Variants in ZNF827 observed in about 807,000 individuals in gnomAD.
The protein encoded by ZNF827 is zinc finger protein 827.
In ZNF827, 13 loss-of-function variants were observed where a neutral mutation model predicts 102.4. That is an observed-to-expected ratio of 0.13 (90% CI 0.08 to 0.20). The LOEUF (loss-of-function observed/expected upper bound fraction) is 0.20. Among genes scored for constraint, ZNF827 ranks in the 10% least tolerant of loss-of-function variants. The pLI is 1.00. For missense variants in ZNF827, 1,103 were observed against 1,344.4 expected, an observed-to-expected ratio of 0.82 and a Z score of 2.81; for synonymous variants, 523 against 536.2, an observed-to-expected ratio of 0.98 and a Z score of 0.34.
At chr4:145,875,606 C>T (rs1749087288) in intron 4 of ZNF827, among the ~76,000 whole-genome samples, 2 of 152,178 alleles carry the variant, frequency 1.3e-5, no homozygotes, top group South Asian at 2.1e-4. Context: ...AAGGAATCAA[C>T]TGCAAAATAA....
chr4:145,828,856 G>T (rs2126528630), intron 7 of ZNF827, among the ~76,000 whole-genome samples: 1 of 152,232 alleles, frequency 6.6e-6, no homozygotes, highest in Non-Finnish European at 1.5e-5. Flanking sequence ...AAGGATTATG[G>T]CTCTAAATAG....
chr4:145,880,547 A>G (rs543066470), intron 4 of ZNF827, among the ~76,000 whole-genome samples: 1 of 152,360 alleles, frequency 6.6e-6, no homozygotes, highest in East Asian at 1.9e-4. Context: ...AACTCAGGTC[A>G]GTGCTTGTCT....
At chr4:145,872,145 A>T (rs901705496) in intron 4 of ZNF827, among the ~76,000 whole-genome samples, 11 of 152,132 alleles carry the variant, frequency 7.2e-5, no homozygotes, top group African/African-American at 2.7e-4. Flanking sequence ...TTATTACCTA[A>T]TAACCTACTG....
intron 5 of ZNF827, among the ~76,000 whole-genome samples, chr4:145,868,966 T>A (rs1748446081): frequency 6.6e-6 from 1 of 152,204 alleles, no homozygotes; most frequent in Admixed American, 6.5e-5. Context: ...AGTTCAAATA[T>A]ACAAAAAATG....
At chr4:145,809,085 G>A (rs753390219) in intron 8 of ZNF827, among the ~76,000 whole-genome samples, 133 of 152,214 alleles carry the variant, frequency 8.7e-4, no homozygotes, top group Non-Finnish European at 3.1e-4. Context: ...ACAAGTGTGA[G>A]CCACTGTGCC....
intron 11 of ZNF827, among the ~76,000 whole-genome samples, chr4:145,771,939 C>T (rs143719225): frequency 1.2e-3 from 182 of 152,288 alleles, no homozygotes; most frequent in African/African-American, 4.2e-3. Flanking sequence ...GCATCTTCTG[C>T]GCATCTGAAA....
chr4:145,858,228 C>A (rs1447394551), intron 5 of ZNF827, among the ~76,000 whole-genome samples: 1 of 151,900 alleles, frequency 6.6e-6, no homozygotes, highest in Non-Finnish European at 1.5e-5. Flanking sequence ...ATAATCCCAG[C>A]CCTTTGGGAG....
chr4:145,869,216 G>A (rs1238310180), intron 5 of ZNF827, among the ~76,000 whole-genome samples: 1 of 152,100 alleles, frequency 6.6e-6, no homozygotes, highest in Non-Finnish European at 1.5e-5. Flanking sequence ...CCCACCAACT[G>A]GTAAGTACAG....
At chr4:145,917,189 A>G (rs1299047590) in intron 1 of ZNF827, among the ~76,000 whole-genome samples, 1 of 152,052 alleles carries the variant, frequency 6.6e-6, no homozygotes, top group East Asian at 1.9e-4. Flanking sequence ...CCACTTCCAC[A>G]TTTTCAAATA....
chr4:145,762,320 C>T lies in ZNF827; in HGVS notation c.*18-722G>A, dbSNP rs1734647126. Among the ~76,000 whole-genome samples, 1 of 152,146 alleles carries T rather than the reference C, an allele frequency of 6.6e-6. No homozygotes were observed. ...GAAGGAAGCCCACCCAACGGCCCAT[C>T]TGCTAATGAGGAAGGGAGGAGGGAG... On this transcript the variant is annotated intron_variant, in intron 14 of 14. Transcript: ENST00000508784. The surrounding 1 kb of genome is among the most constrained non-coding windows in gnomAD (Gnocchi z 4.9).
At chr4:145,904,819 G>A (rs1751709180) in intron 1 of ZNF827, among the ~76,000 whole-genome samples, 1 of 152,208 alleles carries the variant, frequency 6.6e-6, no homozygotes, top group Non-Finnish European at 1.5e-5. Flanking sequence ...TCTGAATTTG[G>A]CAAAACTGGG....
chr4:145,769,726 T>C (rs1451607385), intron 11 of ZNF827, among the ~76,000 whole-genome samples: 1 of 152,184 alleles, frequency 6.6e-6, no homozygotes, highest in East Asian at 1.9e-4. Flanking sequence ...ATTTACCTTC[T>C]TCAGCATCAC....
In ZNF827 at chr4:145,837,829, A is replaced by G. The variant is rs371643983; in HGVS notation, c.2279+8127T>C. 2.7e-3 allele frequency among the ~76,000 whole-genome samples: 407 copies of G among 152,190 alleles called. 20 individuals are homozygous for G. In the South Asian group the frequency reaches 0.065, roughly 24 times the overall value. ...TCCAGGCCATCACCAATCATTCTAT[A>G]CGACAAATGTTTCTTCTAACATCCC... On this transcript the variant is annotated intron_variant, in intron 7 of 14. Transcript: ENST00000508784.
chr4:145,885,917 G>T lies in ZNF827; in HGVS notation c.1508C>A (p.Thr503Lys). ...GGTELVGTMM[T>K]SNTPERTSQG... ...GCTAGTCCTCTCTGGAGTGTTAGACGTCATCATGGTCCCCACTAGCTCTGT... is the reference window on the plus strand; with the variant it reads ...GCTAGTCCTCTCTGGAGTGTTAGACTTCATCATGGTCCCCACTAGCTCTGT... Residue 503 changes from threonine to lysine, a missense_variant, in exon 4 of 15, where the codon ACG (threonine) becomes AAG (lysine). Transcript: ENST00000508784. 6.2e-7 allele frequency: 1 copy of T among 1,614,212 alleles called. No individual in the cohort carries two copies. Among genetic ancestry groups the T allele is most frequent in the Non-Finnish European group, 8.5e-7 (1 of 1,180,036 alleles).
rs56080563 is a variant in ZNF827, at chr4:145,843,224, G to GAA, written c.2279+2730_2279+2731dup. ...TCAAGTAAGCTGCCTCTACTCAAAG[G>GAA]AAAAAAAAAAAAACCACACCGAGGA... On this transcript the variant is annotated intron_variant, in intron 7 of 14. Transcript: ENST00000508784. Among the ~76,000 whole-genome samples the GAA allele has an allele frequency of 9.6e-3, 1,371 of 142,776 alleles. 10 individuals carry two copies. Among genetic ancestry groups the GAA allele is most frequent in the East Asian group, 0.032 (160 of 4,946 alleles). The allele number at this position is 142,776 out of a possible 152,430, so 93.7% of individuals were successfully genotyped here.
At chr4:145,859,707 G>A (rs1363885532) in intron 5 of ZNF827, among the ~76,000 whole-genome samples, 1 of 152,100 alleles carries the variant, frequency 6.6e-6, no homozygotes, top group Non-Finnish European at 1.5e-5. Context: ...CCTCTCTAGA[G>A]CAGGTGCTGA....
intron 2 of ZNF827, among the ~76,000 whole-genome samples, chr4:145,897,687 A>ATGGATGCTGGGTTTATCTGTTATATGG (rs1751084864): frequency 6.6e-6 from 1 of 152,240 alleles, no homozygotes; most frequent in Non-Finnish European, 1.5e-5. Context: ...TGACTTTATT[A>ATGGATGCTGGGTTTATCTGTTATATGG]ATGCCTATTT....
intron 5 of ZNF827, among the ~76,000 whole-genome samples, chr4:145,854,399 C>T (rs562283383): frequency 1.3e-5 from 2 of 151,948 alleles, no homozygotes; most frequent in South Asian, 4.2e-4. Flanking sequence ...GTTACCTACC[C>T]TTAAGAGGAG....
rs537023885 is a variant in ZNF827, at chr4:145,870,297, T to C, written c.1929A>G (p.Leu643=). 1.9e-6 allele frequency: 3 copies of C among 1,614,168 alleles called. No homozygotes were observed. In the African/African-American group the frequency reaches 4.0e-5, roughly 22 times the overall value. Residue 643 remains leucine, a synonymous_variant, in exon 5 of 15, where the codon CTA becomes CTG. Transcript: ENST00000508784. ...LKPQEGKGSV[L]RRDVSVKAAS... ...CTGCTTTGACTGACACATCCCGCCT[T>C]AGCACACTTCCCTTCCCTTCCTGGG...
Sources: allele counts gnomAD v4.1 joint callset (sites outside exome capture counted in the v4.1 genomes callset), GRCh38; gene constraint gnomAD v4.1.1; non-coding constraint Gnocchi (gnomAD v3.1); transcripts MANE v1.5; gene names NCBI Gene and HGNC (gene_info 2026-07-23, HGNC 2026-07-21).